PRKCH: variants seen among roughly 807,000 people sequenced by gnomAD.
PRKCH encodes the protein protein kinase C eta, also known as protein kinase C eta type.
Under a neutral mutation model 82.5 loss-of-function variants are expected in PRKCH, and 28 were observed. The ratio of observed to expected loss-of-function variants is 0.34; its 90% confidence interval spans 0.25 to 0.47. The LOEUF is 0.47. Ranked by LOEUF, PRKCH falls within the 20% of genes least tolerant of loss-of-function variation. The probability of loss-of-function intolerance (pLI) is 1.00; values close to 1 mark genes in which losing one functional copy is unlikely to be tolerated. For missense variants in PRKCH, 705 were observed against 881.8 expected, an observed-to-expected ratio of 0.80 and a Z score of 2.54; for synonymous variants, 322 against 327.4, an observed-to-expected ratio of 0.98 and a Z score of 0.18.
At chr14:61,245,354 CCCA>C (rs906930906) in intron 1 of PRKCH, among the ~76,000 whole-genome samples, 4 of 152,160 alleles carry the variant, frequency 2.6e-5, no homozygotes, top group African/African-American at 9.7e-5. Context: ...TCTTCCTTTC[CCCA>C]CCACCACCCT....
At chr14:61,376,174 C>T (rs564848982) in intron 1 of PRKCH, among the ~76,000 whole-genome samples, 1 of 152,236 alleles carries the variant, frequency 6.6e-6, no homozygotes, top group South Asian at 2.1e-4. Flanking sequence ...CTTTACTTTT[C>T]CTTACTCAGA....
chr14:61,389,142 A>G (rs35650131), intron 1 of PRKCH, among the ~76,000 whole-genome samples: 20,307 of 152,160 alleles, frequency 0.13, 2,335 homozygotes, highest in African/African-American at 0.31. Context: ...CTGGGAGGCC[A>G]AGGCGGGCGG....
chr14:61,325,289 T>C (rs1172935609), intron 1 of PRKCH, among the ~76,000 whole-genome samples: 2 of 152,070 alleles, frequency 1.3e-5, no homozygotes, highest in Non-Finnish European at 2.9e-5. Context: ...GTGGAATGAA[T>C]AGAAGAGAGT....
Position 61,280,704 on chromosome 14 carries a change from G to A in PRKCH, c.-19+93036G>A. ...GGCCGGCCGCGCTGCGCTGGTAGGG[G>A]GCGCACTCGTTGACAGGGTGGCGCA... On this transcript the variant is annotated intron_variant, in intron 1 of 3. Transcript: ENST00000555185. The surrounding 1 kb of genome is among the most constrained non-coding windows in gnomAD (Gnocchi z 5.0). 6 of 1,579,306 alleles carry A rather than the reference G, an allele frequency of 3.8e-6. No individual in the cohort carries two copies. The highest frequency in any genetic ancestry group is 5.1e-6 in the Non-Finnish European group (6 of 1,165,858).
chr14:61,355,896 C>T (rs1184388246), intron 1 of PRKCH, among the ~76,000 whole-genome samples: 1 of 152,194 alleles, frequency 6.6e-6, no homozygotes, highest in Non-Finnish European at 1.5e-5. Flanking sequence ...CAACGTCAGG[C>T]CCGTGAGACT....
At chr14:61,335,541 A>G (rs1031105448) in intron 1 of PRKCH, among the ~76,000 whole-genome samples, 1 of 152,172 alleles carries the variant, frequency 6.6e-6, no homozygotes. Flanking sequence ...CATAAAGGAA[A>G]TAAAACCTCA....
intron 1 of PRKCH, among the ~76,000 whole-genome samples, chr14:61,224,217 T>C (rs2044678290): frequency 6.6e-6 from 1 of 152,206 alleles, no homozygotes; most frequent in South Asian, 2.1e-4. Flanking sequence ...AATAAAATTT[T>C]TTATTTTAGA....
At chr14:61,236,710 C>CAAAAAAAAAAAAAAAA (rs35185475) in intron 1 of PRKCH, among the ~76,000 whole-genome samples, 4 of 87,662 alleles carry the variant, frequency 4.6e-5, no homozygotes, top group Non-Finnish European at 6.0e-5. Context: ...TGTCTCAAAA[C>CAAAAAAAAAAAAAAAA]AAAAAAAAAA....
chr14:61,381,667 C>T (rs1291146241), intron 1 of PRKCH, among the ~76,000 whole-genome samples: 2 of 152,240 alleles, frequency 1.3e-5, no homozygotes, highest in Non-Finnish European at 2.9e-5. Context: ...GCTCCCGCCT[C>T]GGGCCCTCAT....
intron 9 of PRKCH, among the ~76,000 whole-genome samples, chr14:61,468,191 C>T (rs1353633080): frequency 6.6e-6 from 1 of 152,194 alleles, no homozygotes; most frequent in Non-Finnish European, 1.5e-5. Flanking sequence ...TCCCCCTTTC[C>T]CTGAGCAGTG....
rs139464269 is a variant in PRKCH, at chr14:61,401,888, A to G, written c.427+10600A>G. Among the ~76,000 whole-genome samples, 376 of 152,376 alleles carry G rather than the reference A, an allele frequency of 2.5e-3. 5 individuals carry two copies. The highest frequency in any genetic ancestry group is 8.7e-3 in the African/African-American group (360 of 41,588). ...GGAACACCATTTTTACTTTGAAAGAATGACAGACAAACCATACTGTGGAAC... is the reference window on the plus strand; with the variant it reads ...GGAACACCATTTTTACTTTGAAAGAGTGACAGACAAACCATACTGTGGAAC... On this transcript the variant is annotated intron_variant, in intron 2 of 13. Transcript: ENST00000332981.
intron 1 of PRKCH, among the ~76,000 whole-genome samples, chr14:61,197,173 C>T (rs1191542177): frequency 6.6e-6 from 1 of 152,166 alleles, no homozygotes; most frequent in Non-Finnish European, 1.5e-5. Context: ...CCTCATTGAG[C>T]CCTCACTGAT....
At chr14:61,376,342 G>T (rs767965423) in intron 1 of PRKCH, among the ~76,000 whole-genome samples, 68 of 152,158 alleles carry the variant, frequency 4.5e-4, no homozygotes, top group Non-Finnish European at 7.9e-4. Context: ...GGGTCAGTCA[G>T]CTGTCTTGTG....
intron 12 of PRKCH, chr14:61,544,311 G>A (rs1382208346): frequency 3.3e-5 from 5 of 152,118 alleles, no homozygotes; most frequent in South Asian, 2.1e-4. Context: ...CAGTGTTCCC[G>A]AGTATCTCAT....
intron 9 of PRKCH, among the ~76,000 whole-genome samples, chr14:61,483,783 C>T (rs1001637472): frequency 6.6e-6 from 1 of 152,174 alleles, no homozygotes; most frequent in East Asian, 1.9e-4. Context: ...TGTGGTAGCT[C>T]ATGCCTGTAA....
chr14:61,408,834 G>A (rs1354471844), intron 2 of PRKCH, among the ~76,000 whole-genome samples: 9 of 152,122 alleles, frequency 5.9e-5, no homozygotes, highest in African/African-American at 1.9e-4. Flanking sequence ...GCTATTGAAC[G>A]TCACCGGATA....
intron 1 of PRKCH, among the ~76,000 whole-genome samples, chr14:61,236,710 C>CAAAAAAAAAAAA (rs35185475): frequency 1.4e-4 from 12 of 87,610 alleles, no homozygotes; most frequent in African/African-American, 3.1e-4. Flanking sequence ...TGTCTCAAAA[C>CAAAAAAAAAAAA]AAAAAAAAAA....
intron 1 of PRKCH, among the ~76,000 whole-genome samples, chr14:61,189,813 A>G (rs1248771865): frequency 2.0e-5 from 3 of 151,916 alleles, no homozygotes; most frequent in Non-Finnish European, 2.9e-5. Flanking sequence ...ATTAATTTCT[A>G]ATATATGGGT....
chr14:61,288,645 G>A (rs1325658182), intron 1 of PRKCH, among the ~76,000 whole-genome samples: 5 of 152,148 alleles, frequency 3.3e-5, no homozygotes. Context: ...CTGTGAGGAT[G>A]GCTGCATTGT....
Sources: gnomAD v4.1 joint callset for allele counts (sites outside exome capture counted in the v4.1 genomes callset) on GRCh38, gnomAD v4.1.1 for gene constraint, Gnocchi (gnomAD v3.1) non-coding constraint, MANE v1.5 for transcripts, NCBI Gene and HGNC (gene_info 2026-07-23, HGNC 2026-07-21) for gene names.